Variants in DDB1 observed in about 807,000 individuals in gnomAD.
DDB1 encodes DNA damage-binding protein 1.
DDB1 carries 18 observed loss-of-function variants against 133.1 expected under a neutral mutation model. The observed-to-expected ratio is 0.14, with a 90% CI of 0.09 to 0.20. The LOEUF is 0.20. Among genes scored for constraint, DDB1 ranks in the 10% least tolerant of loss-of-function variants. The pLI, the probability that DDB1 is intolerant of heterozygous loss-of-function variation, is 1.00. For synonymous variants in DDB1, 580 were observed against 550.5 expected (o/e 1.05, Z -0.75); for missense variants, 828 against 1,459.2 (o/e 0.57, Z 7.05).
intron 21 of DDB1, among the ~76,000 whole-genome samples, chr11:61,304,765 C>G (rs1438303171): frequency 6.6e-6 from 1 of 151,520 alleles, no homozygotes; most frequent in Non-Finnish European, 1.5e-5. Context: ...GTAGTCCCAG[C>G]TACTCGGCAG....
Position 61,300,082 on chromosome 11 carries a change from G to T in DDB1, c.*54C>A. On this transcript the variant is annotated 3_prime_UTR_variant, in exon 27 of 27. Transcript: ENST00000301764. The stretch of plus-strand genomic sequence containing the variant: ...AGACGATGGTGGAGAGGAGGGGGAG[G>T]GCAGCAGGGCAAAGCCTTTGGGGAG... The T allele has an allele frequency of 6.4e-7, 1 of 1,572,808 alleles. No individual in the cohort carries two copies. Among genetic ancestry groups the T allele is most frequent in the South Asian group, 1.1e-5 (1 of 90,088 alleles).
At chr11:61,311,190 T>C (rs942184091) in intron 18 of DDB1, 1 of 152,730 alleles carries the variant, frequency 6.5e-6, no homozygotes, top group East Asian at 1.9e-4. Context: ...AGGTAGAGGT[T>C]GCAGTGAGCC....
At chr11:61,323,573 C>T (rs1856221351) in intron 7 of DDB1, 2 of 248,922 alleles carry the variant, frequency 8.0e-6, no homozygotes, top group Non-Finnish European at 1.6e-5. Context: ...CCACCATACC[C>T]ACCTAATTTT....
Position 61,311,999 on chromosome 11 carries a change from C to G in DDB1, c.2155G>C (p.Glu719Gln). The change falls in exon 17 of 27, where the codon GAG becomes CAG. Residue 719 changes from glutamate to glutamine, a missense_variant. This residue lies in a region of DDB1 where 396 missense variants were observed against 554.1 expected (regional missense o/e 0.71). Coordinates refer to ENST00000301764, the MANE Select transcript of DDB1 (RefSeq NM_001923.5). ...KLHIRTVPLY[E>Q]SPRKICYQEV... is the part of the protein sequence containing the mutation. ...CACCCTGGGCCTCACCTTGGAGACT[C>G]ATAGAGGGGAACTGTGCGAATGTGC... 1 of 1,614,234 alleles carries G rather than the reference C, an allele frequency of 6.2e-7. No individual in the cohort carries two copies. The highest frequency in any genetic ancestry group is 1.3e-5 in the African/African-American group (1 of 75,046).
chr11:61,321,833 G>A (rs28720292), intron 9 of DDB1, 136 bp from the exon 10 acceptor site: 11,095 of 739,452 alleles, frequency 0.015, 106 homozygotes, highest in Non-Finnish European at 0.019. Context: ...TGCAGACTTG[G>A]CAGAGGTTGA....
rs1855920760 is a variant in DDB1 at position 61,309,148 on chromosome 11, T to C, written c.2567-71A>G. The C allele has an allele frequency of 2.0e-6, 3 of 1,466,368 alleles. No individual in the cohort carries two copies. The African/African-American group carries it at 4.2e-5, about 20-fold the overall frequency. The allele number at this position is 1,466,368 out of a possible 1,614,324, so 90.8% of individuals were successfully genotyped here. ...TACCTCATCAAAAGAATCCTCTGGT[T>C]GCCCCTGTGGTACAAATTCTTGCCC... On this transcript the variant is annotated intron_variant, in intron 20 of 26. Coordinates refer to ENST00000301764, the MANE Select transcript of DDB1 (RefSeq NM_001923.5).
At chr11:61,331,253 A>G (rs1455544809) in intron 2 of DDB1, among the ~76,000 whole-genome samples, 1 of 152,186 alleles carries the variant, frequency 6.6e-6, no homozygotes, top group African/African-American at 2.4e-5. Flanking sequence ...TTTGCTATCC[A>G]AAGAGAGAAA....
At chr11:61,321,743 G>A in intron 9 of DDB1, 46 bp from the exon 10 acceptor site, 1 of 1,541,626 alleles carries the variant, frequency 6.5e-7, no homozygotes, top group Non-Finnish European at 9.0e-7. Context: ...CAAGATACTG[G>A]GCCAGTCATA....
At chr11:61,323,717 T>C (rs574181915) in intron 7 of DDB1, 65 of 414,966 alleles carry the variant, frequency 1.6e-4, no homozygotes, top group Non-Finnish European at 2.5e-4. Context: ...ACCAGCTAGA[T>C]TGATCTTTAA....
chr11:61,315,161 CA>C (rs1856043038), intron 12 of DDB1: 1 of 152,108 alleles, frequency 6.6e-6, no homozygotes, highest in Non-Finnish European at 1.5e-5. Context: ...TCTCAACCCC[CA>C]AATCAGACCT....
At chr11:61,321,347 TATA>T (rs769497150) in intron 10 of DDB1, 1 of 344,154 alleles carries the variant, frequency 2.9e-6, no homozygotes, top group Non-Finnish European at 5.2e-6. Context: ...AATTTTAATT[TATA>T]ATCTTTTAAT....
At chr11:61,316,998 T>TAC (rs1565034349) in intron 10 of DDB1, among the ~76,000 whole-genome samples, 1 of 92,122 alleles carries the variant, frequency 1.1e-5, no homozygotes, top group Non-Finnish European at 2.4e-5. Flanking sequence ...TATATATATA[T>TAC]AGACATGGCA....
At chr11:61,324,220 C>A in intron 6 of DDB1, 83 bp from the exon 7 acceptor site, 1 of 1,480,678 alleles carries the variant, frequency 6.8e-7, no homozygotes. Flanking sequence ...CTCCCTTTAC[C>A]AAACCCAGCC....
intron 21 of DDB1, 143 bp from the exon 22 acceptor site, chr11:61,304,178 G>C: frequency 2.8e-6 from 2 of 715,222 alleles, no homozygotes; most frequent in Non-Finnish European, 4.5e-6. Flanking sequence ...GCACTGGGGT[G>C]AACATTTATT....
intron 1 of DDB1, chr11:61,332,665 T>G (rs1856415635): frequency 2.5e-6 from 1 of 398,588 alleles, no homozygotes; most frequent in Middle Eastern, 6.5e-4. Flanking sequence ...CGCCCTGTTC[T>G]CGAGGCCGAA....
intron 5 of DDB1, 43 bp downstream of exon 5, chr11:61,326,736 C>T (rs1856276834): frequency 6.5e-7 from 1 of 1,531,882 alleles, no homozygotes; most frequent in African/African-American, 1.4e-5. Context: ...AGGGAACTAG[C>T]CTAGACCCAG....
In DDB1 at chr11:61,322,383, G is replaced by A. The variant is rs1856196119; in HGVS notation, c.1035C>T (p.Ser345=). The change falls in exon 9 of 27, where the codon TCC becomes TCT. Residue 345 remains serine (S), a synonymous_variant. Coordinates refer to ENST00000301764, the MANE Select transcript of DDB1 (RefSeq NM_001923.5). The part of the protein sequence containing the change: ...KLNVDSNEQG[S]YVVAMETFTN... ...TAAAGGTTTCCATGGCCACTACATAGGAGCCTTGTTCATTACTGTCAACGT... is the reference window on the plus strand; with the variant it reads ...TAAAGGTTTCCATGGCCACTACATAAGAGCCTTGTTCATTACTGTCAACGT... 1.2e-6 allele frequency: 2 copies of A among 1,614,162 alleles called. No homozygotes were observed. Among genetic ancestry groups the A allele is most frequent in the Non-Finnish European group, 1.7e-6 (2 of 1,180,016 alleles).
At chr11:61,303,273 T>A in intron 22 of DDB1, 118 bp from the exon 23 acceptor site, 1 of 900,230 alleles carries the variant, frequency 1.1e-6, no homozygotes. Flanking sequence ...AGATATAGCA[T>A]GGTGTTCAAC....
intron 21 of DDB1, 106 bp downstream of exon 21, chr11:61,308,877 C>A: frequency 1.8e-6 from 2 of 1,107,572 alleles, no homozygotes; most frequent in South Asian, 1.3e-5. Context: ...CTACTTTGTT[C>A]TCCTTCAGAT....
Sources: allele counts gnomAD v4.1 joint callset (sites outside exome capture counted in the v4.1 genomes callset), GRCh38; gene constraint gnomAD v4.1.1; regional missense constraint gnomAD v4.1.1; transcripts MANE v1.5; gene names NCBI Gene and HGNC (gene_info 2026-07-23, HGNC 2026-07-21).